ITSN1: variants seen among roughly 807,000 people sequenced by gnomAD.
ITSN1 encodes the protein intersectin 1.
In ITSN1, 58 loss-of-function variants were observed where a neutral mutation model predicts 239.8. The ratio of observed to expected loss-of-function variants is 0.24; its 90% CI spans 0.20 to 0.30. The LOEUF is 0.30. Ranked by LOEUF, ITSN1 falls within the 10% of genes least tolerant of loss-of-function variation. ITSN1 has a pLI of 1.00. For missense variants in ITSN1, 1,558 were observed against 2,103.3 expected, an observed-to-expected ratio of 0.74 and a Z score of 5.07; for synonymous variants, 780 against 770.8, an observed-to-expected ratio of 1.01 and a Z score of -0.20.
chr21:33,888,406 A>G lies in ITSN1; in HGVS notation c.*106A>G, dbSNP rs946233473. 1.7e-6 allele frequency: 2 copies of G among 1,212,048 alleles called. No individual in the cohort carries two copies. The highest frequency in any genetic ancestry group is 3.0e-5 in the African/African-American group (2 of 65,770). The allele number at this position is 1,212,048 out of a possible 1,614,324, so 75.1% of individuals were successfully genotyped here. The stretch of plus-strand genomic sequence containing the variant: ...AAACCACCATTTGGTATTCAGTCAC[A>G]GGGATATGGGATGGCAAAGACAGGC... On this transcript the variant is annotated 3_prime_UTR_variant, in exon 40 of 40. Coordinates refer to ENST00000381318, the MANE Select transcript of ITSN1 (RefSeq NM_003024.3).
chr21:33,783,406 A>G (rs1476549908), intron 16 of ITSN1, among the ~76,000 whole-genome samples: 1 of 152,178 alleles, frequency 6.6e-6, no homozygotes, highest in Admixed American at 6.5e-5. Flanking sequence ...TCTTTTCTCA[A>G]TTGTACGATT....
intron 1 of ITSN1, among the ~76,000 whole-genome samples, chr21:33,667,660 A>G (rs2090010745): frequency 6.6e-6 from 1 of 152,198 alleles, no homozygotes; most frequent in South Asian, 2.1e-4. Flanking sequence ...TTTTATAACC[A>G]GGGCACAAAA....
chr21:33,772,873 A>G (rs1433387171), intron 12 of ITSN1, among the ~76,000 whole-genome samples: 1 of 152,188 alleles, frequency 6.6e-6, no homozygotes, highest in African/African-American at 2.4e-5. Context: ...GTGTTTTTCC[A>G]GACTGTTTTC....
intron 26 of ITSN1, among the ~76,000 whole-genome samples, chr21:33,828,015 T>C (rs919754799): frequency 1.3e-4 from 20 of 152,360 alleles, no homozygotes; most frequent in African/African-American, 4.6e-4. Context: ...TGGAGATACA[T>C]TGGACCACCC....
chr21:33,756,457 AG>A (rs1429591712), intron 8 of ITSN1, among the ~76,000 whole-genome samples: 1 of 152,138 alleles, frequency 6.6e-6, no homozygotes, highest in African/African-American at 2.4e-5. Context: ...GAGTGGGGTA[AG>A]GGGAGGATTA....
chr21:33,851,392 C>CTTTTCTTTT (rs1275287103), intron 29 of ITSN1, among the ~76,000 whole-genome samples: 1 of 151,820 alleles, frequency 6.6e-6, no homozygotes, highest in Admixed American at 6.6e-5. Flanking sequence ...GCTCTTTTTT[C>CTTTTCTTTT]TTTTCTTTTT....
At chr21:33,869,481 C>A (rs967085886) in intron 33 of ITSN1, among the ~76,000 whole-genome samples, 9 of 152,238 alleles carry the variant, frequency 5.9e-5, no homozygotes, top group Middle Eastern at 3.2e-3. Context: ...AACTACAATT[C>A]AAGATGAGAT....
chr21:33,695,649 GA>G (rs2091760715), intron 1 of ITSN1, among the ~76,000 whole-genome samples: 1 of 152,190 alleles, frequency 6.6e-6, no homozygotes, highest in Non-Finnish European at 1.5e-5. Context: ...TGGGCCTTTA[GA>G]AAGTTTTTTA....
At position 33,797,964 on chromosome 21, in the gene ITSN1, G is replaced by T. The variant is rs753926367; in HGVS notation, c.2182+356G>T. Among the ~76,000 whole-genome samples the T allele has an allele frequency of 5.3e-5, 8 of 152,168 alleles. No homozygotes were observed. Among genetic ancestry groups the T allele is most frequent in the Non-Finnish European group, 1.0e-4 (7 of 68,028 alleles). On this transcript the variant is annotated intron_variant, in intron 18 of 39. Transcript: ENST00000381318. This position sits in a 1 kb window ranked among gnomAD's most constrained non-coding sequence, Gnocchi z 4.9. ...TGAGCTGTTTCTGCAACAGAAAGTG[G>T]CACCTTTCACCCTTGCCTCCACTGA...
rs996544515 is a variant in ITSN1, at chr21:33,774,585, ATT to A, written c.1306-139_1306-138del. The A allele has an allele frequency of 4.4e-6, 3 of 683,722 alleles. No homozygotes were observed. The East Asian group carries it at 8.2e-5, about 19-fold the overall frequency. The allele number at this position is 683,722 out of a possible 1,614,324, so 42.4% of individuals were successfully genotyped here. A position where few individuals can be genotyped will look rare whatever the true frequency, so the allele number is the denominator to read the frequency against. ...AGAAGGAATACTGTATTTTTATGTA[ATT>A]TTTTGTTTTCTAATGTGATTTCTTG... On this transcript the variant is annotated intron_variant, in intron 12 of 39. Coordinates refer to ENST00000381318, the MANE Select transcript of ITSN1 (RefSeq NM_003024.3).
chr21:33,676,199 T>G (rs1256160796), intron 1 of ITSN1, among the ~76,000 whole-genome samples: 1 of 152,080 alleles, frequency 6.6e-6, no homozygotes, highest in Non-Finnish European at 1.5e-5. Flanking sequence ...GTCAGGCTGG[T>G]TTCAAACTCC....
rs965739786 is a variant in ITSN1, at chr21:33,896,523, A to C, written c.*8223A>C. 4 of 152,326 alleles carry C rather than the reference A, an allele frequency of 2.6e-5. No homozygotes were observed. The highest frequency in any genetic ancestry group is 9.6e-5 in the African/African-American group (4 of 41,460). The allele number at this position is 152,326 out of a possible 1,614,324, so 9.4% of individuals were successfully genotyped here. Reference sequence around the variant, plus strand: ...CTGCGGAGCCAGTGCCTCCCTGCCCAGCTGGGCCACACGATCTGGTCTGCG... The same window carrying C: ...CTGCGGAGCCAGTGCCTCCCTGCCCCGCTGGGCCACACGATCTGGTCTGCG... On this transcript the variant is annotated 3_prime_UTR_variant, in exon 40 of 40. Transcript: ENST00000381318.
At chr21:33,846,114 A>AAT (rs2074982703) in intron 29 of ITSN1, among the ~76,000 whole-genome samples, 1 of 151,682 alleles carries the variant, frequency 6.6e-6, no homozygotes, top group Non-Finnish European at 1.5e-5. Context: ...ATCTAGCCTC[A>AAT]CTCTGCTGTC....
intron 29 of ITSN1, among the ~76,000 whole-genome samples, chr21:33,839,619 C>T (rs1205281796): frequency 6.6e-6 from 1 of 152,166 alleles, no homozygotes; most frequent in East Asian, 1.9e-4. Flanking sequence ...TGTTGCTTCT[C>T]CAGTCTTGAG....
rs35567402 is a variant in ITSN1 at position 33,851,778 on chromosome 21, C to CTTTTT, written c.3662-4942_3662-4938dup. Among the ~76,000 whole-genome samples, 15 of 66,204 alleles carry CTTTTT rather than the reference C, an allele frequency of 2.3e-4. 1 individual carries two copies. Among genetic ancestry groups the CTTTTT allele is most frequent in the African/African-American group, 3.2e-4 (5 of 15,674 alleles). 43.4% of individuals were successfully genotyped at this position (66,204 alleles called of 152,430 possible). A position where few individuals can be genotyped will look rare whatever the true frequency, so the allele number is the denominator to read the frequency against. On this transcript the variant is annotated intron_variant, in intron 29 of 39. Transcript: ENST00000381318. ...TTTTTCTTTTCTTTTCTTTTCTTTC[C>CTTTTT]TTTTTTTTTTTTTTTTTTTTCCTGA...
intron 27 of ITSN1, among the ~76,000 whole-genome samples, chr21:33,830,953 G>T (rs1282028880): frequency 6.6e-6 from 1 of 152,150 alleles, no homozygotes; most frequent in East Asian, 1.9e-4. Flanking sequence ...GCTGCCAAGT[G>T]TTGACAGTAG....
intron 31 of ITSN1, among the ~76,000 whole-genome samples, chr21:33,863,658 A>C (rs1294002567): frequency 6.6e-6 from 1 of 152,208 alleles, no homozygotes; most frequent in African/African-American, 2.4e-5. Flanking sequence ...GGAGAAGGAA[A>C]GGGTGAAAGT....
chr21:33,844,777 C>T (rs530826073), intron 29 of ITSN1, among the ~76,000 whole-genome samples: 4 of 152,124 alleles, frequency 2.6e-5, no homozygotes, highest in Non-Finnish European at 5.9e-5. Context: ...GGAGTGTTAC[C>T]TTGGAGTCCT....
intron 34 of ITSN1, among the ~76,000 whole-genome samples, chr21:33,876,036 A>G (rs1434703219): frequency 7.0e-6 from 1 of 143,050 alleles, no homozygotes; most frequent in African/African-American, 2.5e-5. Flanking sequence ...AGTTCTATTT[A>G]TTTTCTCCTG....
Sources: allele counts gnomAD v4.1 joint callset (sites outside exome capture counted in the v4.1 genomes callset), GRCh38; gene constraint gnomAD v4.1.1; non-coding constraint Gnocchi (gnomAD v3.1); transcripts MANE v1.5; gene names NCBI Gene and HGNC (gene_info 2026-07-23, HGNC 2026-07-21).